The following KHDRBS2 variants were observed in gnomAD, a reference collection of about 807,000 sequenced individuals.
KHDRBS2 encodes KH RNA binding domain containing, signal transduction associated 2, also known as KH domain-containing, RNA-binding, signal transduction-associated protein 2.
In KHDRBS2, 26 loss-of-function variants were observed where a neutral mutation model predicts 44.3. That is an observed-to-expected ratio of 0.59 (90% CI 0.43 to 0.81). The LOEUF (loss-of-function observed/expected upper bound fraction) is 0.81. KHDRBS2 is among the 40% of genes least tolerant of loss of function. KHDRBS2 has a pLI of 0.00. For missense variants in KHDRBS2, 476 were observed against 433.1 expected, an observed-to-expected ratio of 1.10 and a Z score of -0.88; for synonymous variants, 194 against 151.1, an observed-to-expected ratio of 1.28 and a Z score of -2.08.
chr6:62,009,518 CA>C (rs1215217916), intron 3 of KHDRBS2, among the ~76,000 whole-genome samples: 2 of 152,204 alleles, frequency 1.3e-5, no homozygotes, highest in African/African-American at 2.4e-5. Flanking sequence ...GAATGTTAAT[CA>C]CCAAGACAAT....
At chr6:61,701,484 C>T (rs879690109) in intron 7 of KHDRBS2, among the ~76,000 whole-genome samples, 1 of 151,896 alleles carries the variant, frequency 6.6e-6, no homozygotes, top group Non-Finnish European at 1.5e-5. Context: ...CTAGAACAAT[C>T]CTTAGGCTTC....
chr6:61,556,151 G>A, the KHDRBS2 span, among the ~76,000 whole-genome samples: 116 of 152,302 alleles, frequency 7.6e-4, no homozygotes, highest in Middle Eastern at 3.4e-3. Context: ...GGGTCCATGC[G>A]CATTCACTCC....
At chr6:62,082,876 C>T (rs1258382015) in intron 2 of KHDRBS2, among the ~76,000 whole-genome samples, 1 of 152,142 alleles carries the variant, frequency 6.6e-6, no homozygotes, top group Admixed American at 6.6e-5. Context: ...AATACTCAAT[C>T]CTTCCTTCAA....
intron 3 of KHDRBS2, among the ~76,000 whole-genome samples, chr6:62,023,900 A>G (rs1048268862): frequency 1.3e-5 from 2 of 151,150 alleles, no homozygotes; most frequent in African/African-American, 4.8e-5. Context: ...TTTTTCACCT[A>G]ATAATACATA....
At chr6:61,884,985 T>A (rs1800738265) in intron 6 of KHDRBS2, among the ~76,000 whole-genome samples, 1 of 152,086 alleles carries the variant, frequency 6.6e-6, no homozygotes, top group East Asian at 1.9e-4. Context: ...AAATTATGTA[T>A]CCATAGTTGG....
the KHDRBS2 span, among the ~76,000 whole-genome samples, chr6:61,656,531 G>A: frequency 1.8e-4 from 28 of 151,976 alleles, no homozygotes; most frequent in South Asian, 1.2e-3. Context: ...TTTATATTGC[G>A]TCTCTTTTTA....
chr6:62,184,830 C>G (rs1823099131), intron 1 of KHDRBS2, among the ~76,000 whole-genome samples: 1 of 151,600 alleles, frequency 6.6e-6, no homozygotes, highest in Non-Finnish European at 1.5e-5. Context: ...TTATCTTGTA[C>G]TTGCTTTTAT....
chr6:62,209,625 T>C (rs1156970858), intron 1 of KHDRBS2, among the ~76,000 whole-genome samples: 1 of 152,176 alleles, frequency 6.6e-6, no homozygotes, highest in Non-Finnish European at 1.5e-5. Context: ...TGGGTGTGTT[T>C]ATGAAGGTGT....
At chr6:61,890,738 T>C (rs1397106215) in intron 6 of KHDRBS2, among the ~76,000 whole-genome samples, 1 of 152,226 alleles carries the variant, frequency 6.6e-6, no homozygotes, top group Non-Finnish European at 1.5e-5. Flanking sequence ...ATTTTTCACA[T>C]ACTATGTCTC....
At chr6:62,113,334 G>C (rs1171479409) in intron 2 of KHDRBS2, among the ~76,000 whole-genome samples, 1 of 152,064 alleles carries the variant, frequency 6.6e-6, no homozygotes, top group East Asian at 1.9e-4. Flanking sequence ...CAGTATATTT[G>C]AATTGCTACT....
At chr6:61,964,333 T>C (rs1199821454) in intron 4 of KHDRBS2, among the ~76,000 whole-genome samples, 7 of 152,022 alleles carry the variant, frequency 4.6e-5, no homozygotes, top group Admixed American at 2.0e-4. Flanking sequence ...TCAATATTTA[T>C]TGAGAATGAC....
chr6:61,961,580 C>T (rs1352378632), intron 4 of KHDRBS2, among the ~76,000 whole-genome samples: 1 of 151,946 alleles, frequency 6.6e-6, no homozygotes, highest in Non-Finnish European at 1.5e-5. Context: ...GAAAGAATGA[C>T]ATTTGAACAA....
intron 6 of KHDRBS2, among the ~76,000 whole-genome samples, chr6:61,852,844 TA>T (rs1185832050): frequency 6.6e-6 from 1 of 152,170 alleles, no homozygotes; most frequent in Non-Finnish European, 1.5e-5. Context: ...GAGTTCTGTT[TA>T]CTTTTCTTTA....
chr6:62,209,363 T>C (rs1828615322), intron 1 of KHDRBS2, among the ~76,000 whole-genome samples: 1 of 152,112 alleles, frequency 6.6e-6, no homozygotes, highest in South Asian at 2.1e-4. Context: ...AGAACATATT[T>C]TGTTAAAGGA....
intron 6 of KHDRBS2, among the ~76,000 whole-genome samples, chr6:61,869,095 G>A (rs559129675): frequency 5.3e-5 from 8 of 152,156 alleles, no homozygotes; most frequent in African/African-American, 7.2e-5. Context: ...GTTCCCTTGC[G>A]TCCACATTAC....
chr6:61,695,884 T>A (rs893437101), intron 8 of KHDRBS2, among the ~76,000 whole-genome samples: 1 of 152,112 alleles, frequency 6.6e-6, no homozygotes, highest in Non-Finnish European at 1.5e-5. Flanking sequence ...TGATGCAGCA[T>A]CATATGAAGC....
chr6:61,885,356 T>C (rs1351349654), intron 6 of KHDRBS2, among the ~76,000 whole-genome samples: 1 of 152,176 alleles, frequency 6.6e-6, no homozygotes, highest in Non-Finnish European at 1.5e-5. Context: ...GAAACTTCCG[T>C]CAAGTCTCTT....
At chr6:61,972,517 T>A (rs982619767) in intron 4 of KHDRBS2, among the ~76,000 whole-genome samples, 2 of 152,150 alleles carry the variant, frequency 1.3e-5, no homozygotes, top group African/African-American at 4.8e-5. Flanking sequence ...TATTAGAATA[T>A]GGTTAGTTAC....
At chr6:61,994,392 C>A (rs539497025) in intron 3 of KHDRBS2, among the ~76,000 whole-genome samples, 11 of 152,144 alleles carry the variant, frequency 7.2e-5, no homozygotes, top group Non-Finnish European at 1.3e-4. Context: ...AGAAACTAAT[C>A]ATTTTCTTAA....
Sources: allele counts gnomAD v4.1 joint callset (sites outside exome capture counted in the v4.1 genomes callset), GRCh38; gene constraint gnomAD v4.1.1; transcripts MANE v1.5; gene names NCBI Gene and HGNC (gene_info 2026-07-23, HGNC 2026-07-21).